The following PTPN13 variants were observed in gnomAD, a reference collection of about 807,000 sequenced individuals.
The protein encoded by PTPN13 is tyrosine-protein phosphatase non-receptor type 13.
A neutral mutation model predicts 284.0 loss-of-function variants in PTPN13; 191 were observed. That is an observed-to-expected ratio of 0.67 (90% confidence interval 0.60 to 0.76). The LOEUF (loss-of-function observed/expected upper bound fraction) is 0.76, where lower values mean the gene tolerates loss of function less well. PTPN13 is among the 30% of genes least tolerant of loss of function. The probability of loss-of-function intolerance (pLI) is 0.00; values close to 1 mark genes in which losing one functional copy is unlikely to be tolerated. For missense variants in PTPN13, 2,797 were observed against 2,939.9 expected (o/e 0.95, Z 1.12); for synonymous variants, 986 against 1,022.3 (o/e 0.96, Z 0.68).
intron 35 of PTPN13, among the ~76,000 whole-genome samples, chr4:86,777,448 C>G (rs1363315158): frequency 6.6e-6 from 1 of 152,140 alleles, no homozygotes; most frequent in East Asian, 1.9e-4. Context: ...TGGGCCCACC[C>G]AGATAATCCA....
intron 1 of PTPN13, among the ~76,000 whole-genome samples, chr4:86,614,863 G>T (rs186216938): frequency 5.9e-5 from 9 of 152,072 alleles, no homozygotes; most frequent in African/African-American, 2.2e-4. Context: ...AATTATACTT[G>T]GTTTTTGAAT....
At chr4:86,700,822 C>T (rs763896241) in intron 6 of PTPN13, among the ~76,000 whole-genome samples, 2 of 152,092 alleles carry the variant, frequency 1.3e-5, no homozygotes, top group Non-Finnish European at 2.9e-5. Flanking sequence ...TATACTAGGG[C>T]TTTATAGTGA....
At chr4:86,718,116 A>G (rs1036141890) in intron 9 of PTPN13, among the ~76,000 whole-genome samples, 26 of 152,224 alleles carry the variant, frequency 1.7e-4, no homozygotes. Context: ...GGTCCCTTAC[A>G]TGAACAAAAG....
In PTPN13 at chr4:86,598,985, C is replaced by T. The variant is rs570979619; in HGVS notation, c.-6+4196C>T. On this transcript the variant is annotated intron_variant, in intron 1 of 47. Coordinates refer to ENST00000411767, the MANE Select transcript of PTPN13 (RefSeq NM_080683.3). ...ATGTTACCCAGCCTGGTCTTAAACT[C>T]CCTGGCCTAAAGCAGTTGTCCCTCC... Among the ~76,000 whole-genome samples the T allele has an allele frequency of 2.6e-5, 4 of 152,254 alleles. No homozygotes were observed. The South Asian group carries it at 8.3e-4, about 32-fold the overall frequency.
At chr4:86,732,571 C>T (rs1169099878) in intron 11 of PTPN13, 21 bp from the exon 12 acceptor site, 10 of 1,600,904 alleles carry the variant, frequency 6.2e-6, no homozygotes, top group African/African-American at 1.3e-5. Flanking sequence ...TAATAAATGC[C>T]GTTTATTTTT....
At position 86,780,492 on chromosome 4, in the gene PTPN13, A is replaced by G; in HGVS notation, c.5962+20A>G. 1 of 1,493,068 alleles carries G rather than the reference A, an allele frequency of 6.7e-7. No individual in the cohort carries two copies. Among genetic ancestry groups the G allele is most frequent in the Non-Finnish European group, 9.3e-7 (1 of 1,073,818 alleles). The allele number at this position is 1,493,068 out of a possible 1,614,324, so 92.5% of individuals were successfully genotyped here. A position where few individuals can be genotyped will look rare whatever the true frequency, so the allele number is the denominator to read the frequency against. On this transcript the variant is annotated intron_variant, in intron 36 of 47. Coordinates refer to ENST00000411767, the MANE Select transcript of PTPN13 (RefSeq NM_080683.3). ...GCAATGGTAAGGATATATTCATTTT[A>G]CTGTACTCTCCTACGGTAATGGGAA...
intron 1 of PTPN13, among the ~76,000 whole-genome samples, chr4:86,632,373 C>G (rs1316425020): frequency 2.6e-5 from 4 of 152,134 alleles, no homozygotes; most frequent in African/African-American, 9.7e-5. Context: ...GCAAGGCAAA[C>G]AGTTTTTGTT....
chr4:86,800,712 G>GAGGGAGGGAGGAAGGAAGGA (rs1361725680), intron 42 of PTPN13, among the ~76,000 whole-genome samples: 2 of 149,120 alleles, frequency 1.3e-5, no homozygotes, highest in Admixed American at 6.7e-5. Flanking sequence ...AGCAGGGAGG[G>GAGGGAGGGAGGAAGGAAGGA]AGGGAGGGAG....
intron 20 of PTPN13, among the ~76,000 whole-genome samples, chr4:86,754,908 AG>A (rs1737796819): frequency 6.6e-6 from 1 of 152,034 alleles, no homozygotes; most frequent in Admixed American, 6.6e-5. Flanking sequence ...CTTGCAAACA[AG>A]GCTATATTTT....
intron 10 of PTPN13, among the ~76,000 whole-genome samples, chr4:86,726,211 G>A (rs1415110943): frequency 6.7e-6 from 1 of 149,532 alleles, no homozygotes; most frequent in African/African-American, 2.4e-5. Context: ...ATGCTGTTTT[G>A]GTTACTGTAG....
At chr4:86,625,275 C>T (rs1010451970) in intron 1 of PTPN13, among the ~76,000 whole-genome samples, 3 of 151,984 alleles carry the variant, frequency 2.0e-5, no homozygotes, top group Non-Finnish European at 4.4e-5. Context: ...ATTTGAATAC[C>T]TCCTACTGTT....
intron 24 of PTPN13, 102 bp from the exon 25 acceptor site, chr4:86,764,491 C>A: frequency 1.1e-6 from 1 of 883,478 alleles, no homozygotes; most frequent in Non-Finnish European, 1.6e-6. Flanking sequence ...TTCTAGCCAG[C>A]TTTGTCCTGG....
At chr4:86,661,697 G>T (rs1726505310) in intron 2 of PTPN13, among the ~76,000 whole-genome samples, 1 of 152,078 alleles carries the variant, frequency 6.6e-6, no homozygotes, top group South Asian at 2.1e-4. Flanking sequence ...AGCCAGTTCC[G>T]CTCTGCAAAG....
intron 6 of PTPN13, 64 bp from the exon 7 acceptor site, chr4:86,701,177 G>A: frequency 8.0e-7 from 1 of 1,254,092 alleles, no homozygotes; most frequent in East Asian, 2.5e-5. Flanking sequence ...TGTCAATAGT[G>A]GATTACATTT....
intron 19 of PTPN13, among the ~76,000 whole-genome samples, chr4:86,751,994 T>C (rs1737447476): frequency 6.6e-6 from 1 of 152,094 alleles, no homozygotes; most frequent in Admixed American, 6.5e-5. Context: ...TTAAGATGCT[T>C]ACCTTTTATA....
chr4:86,746,422 A>G (rs969422653), intron 17 of PTPN13, among the ~76,000 whole-genome samples: 1 of 152,182 alleles, frequency 6.6e-6, no homozygotes, highest in African/African-American at 2.4e-5. Flanking sequence ...TCACATTCAA[A>G]AAATGTTTTC....
intron 15 of PTPN13, among the ~76,000 whole-genome samples, chr4:86,740,565 A>G (rs1736062108): frequency 6.6e-6 from 1 of 152,094 alleles, no homozygotes; most frequent in South Asian, 2.1e-4. Context: ...CAGGCCTGCA[A>G]TGGGAGGGGC....
rs1739524431 is a variant in PTPN13, at chr4:86,767,957, C to A, written c.4470C>A (p.Asp1490Glu). 1 of 1,610,978 alleles carries A rather than the reference C, an allele frequency of 6.2e-7. No homozygotes were observed. The change falls in exon 28 of 48, where the codon GAC (aspartate) becomes GAA (glutamate). Residue 1490 changes from aspartate (D) to glutamate (E), a missense_variant. By Grantham distance (45) the Asp-to-Glu change is conservative. Coordinates refer to ENST00000411767, the MANE Select transcript of PTPN13 (RefSeq NM_080683.3). ...EKVKKTTQVK[D>E]YSFVTEENTF... ...TGAAGAAAACAACTCAGGTCAAAGACTACAGCTTTGTCACTGAAGGTCAGG... is the reference window on the plus strand; with the variant it reads ...TGAAGAAAACAACTCAGGTCAAAGAATACAGCTTTGTCACTGAAGGTCAGG...
intron 3 of PTPN13, among the ~76,000 whole-genome samples, chr4:86,679,285 G>T (rs1728627222): frequency 6.6e-6 from 1 of 152,190 alleles, no homozygotes; most frequent in South Asian, 2.1e-4. Flanking sequence ...ATGCTCTATT[G>T]TTCTCTCTGT....
Sources: gnomAD v4.1 joint callset for allele counts (sites outside exome capture counted in the v4.1 genomes callset) on GRCh38, gnomAD v4.1.1 for gene constraint, MANE v1.5 for transcripts, NCBI Gene and HGNC (gene_info 2026-07-23, HGNC 2026-07-21) for gene names.